Variants in JMJD1C observed in about 807,000 individuals in gnomAD.
JMJD1C encodes jumonji domain-containing protein 1C.
JMJD1C carries 31 observed loss-of-function variants against 245.3 expected under a neutral mutation model. The observed-to-expected ratio is 0.13, with a 90% CI of 0.09 to 0.17. The LOEUF (loss-of-function observed/expected upper bound fraction) is 0.17. Ranked by LOEUF, JMJD1C falls within the 10% of genes least tolerant of loss-of-function variation. The probability of loss-of-function intolerance (pLI) is 1.00; values close to 1 mark genes in which losing one functional copy is unlikely to be tolerated. For missense variants in JMJD1C, 2,691 were observed against 3,000.2 expected (o/e 0.90, Z 2.41); for synonymous variants, 1,057 against 1,017.4 (o/e 1.04, Z -0.74).
chr10:63,192,590 T>C (rs867926393), intron 16 of JMJD1C, among the ~76,000 whole-genome samples: 1 of 151,796 alleles, frequency 6.6e-6, no homozygotes, highest in Non-Finnish European at 1.5e-5. Flanking sequence ...AAAAAGAAAA[T>C]TAGGCATGGT....
rs35073293 is a variant in JMJD1C at position 63,357,826 on chromosome 10, G to GACACACACACACACAC, written c.333+22476_333+22491dup. On this transcript the variant is annotated intron_variant, in intron 2 of 25. Coordinates refer to ENST00000399262, the MANE Select transcript of JMJD1C (RefSeq NM_032776.3). Reference sequence around the variant, plus strand: ...AAATGTCAAAAGACACAGACAGACAGACACACACACACACACACACACACA... The same window carrying GACACACACACACACAC: ...AAATGTCAAAAGACACAGACAGACAGACACACACACACACACACACACACACACACACACACACACA... 1.2e-4 allele frequency among the ~76,000 whole-genome samples: 17 copies of GACACACACACACACAC among 140,536 alleles called. No homozygotes were observed. In the East Asian group the frequency reaches 1.9e-3, roughly 16 times the overall value. 92.2% of individuals were successfully genotyped at this position (140,536 alleles called of 152,430 possible).
intron 1 of JMJD1C, among the ~76,000 whole-genome samples, chr10:63,446,976 C>G (rs1273352578): frequency 1.3e-5 from 2 of 151,102 alleles, no homozygotes; most frequent in African/African-American, 4.9e-5. Context: ...AATTTCCTAT[C>G]TTTGTGACAT....
rs371370423 is a variant in JMJD1C, at chr10:63,213,774, G to A, written c.2393C>T (p.Thr798Ile). Residue 798 changes from threonine to isoleucine, a missense_variant, in exon 8 of 26, where the codon ACT becomes ATT. Transcript: ENST00000399262. Reference sequence around the variant, plus strand: ...GGCAGTAGGCACTCCAGGTAACACAGTGGGAAGTAAATGAGGGTGATGAAC... The same window carrying A: ...GGCAGTAGGCACTCCAGGTAACACAATGGGAAGTAAATGAGGGTGATGAAC... Reference protein sequence around the residue: ...HAVHHPHLLPTVLPGVPTASL... With the variant: ...HAVHHPHLLPIVLPGVPTASL... 1.2e-6 allele frequency: 2 copies of A among 1,614,118 alleles called. No individual in the cohort carries two copies. Among genetic ancestry groups the A allele is most frequent in the Non-Finnish European group, 8.5e-7 (1 of 1,180,016 alleles).
chr10:63,464,989 T>A (rs769201892), intron 1 of JMJD1C, among the ~76,000 whole-genome samples: 1 of 152,200 alleles, frequency 6.6e-6, no homozygotes, highest in Non-Finnish European at 1.5e-5. Context: ...ATCCCCGGAC[T>A]GTGTGGGAAG....
At chr10:63,201,883 T>C (rs376422883) in intron 10 of JMJD1C, among the ~76,000 whole-genome samples, 81 of 151,076 alleles carry the variant, frequency 5.4e-4, no homozygotes, top group African/African-American at 1.9e-3. Context: ...TGAGCCAACA[T>C]TGCGCCACTG....
intron 2 of JMJD1C, among the ~76,000 whole-genome samples, chr10:63,371,443 G>A (rs1309905223): frequency 1.3e-5 from 2 of 152,048 alleles, no homozygotes; most frequent in African/African-American, 4.8e-5. Context: ...TGAACATCAA[G>A]GTTGTTCCAT....
At chr10:63,506,587 T>C (rs1439181048) in intron 1 of JMJD1C, among the ~76,000 whole-genome samples, 1 of 152,218 alleles carries the variant, frequency 6.6e-6, no homozygotes, top group East Asian at 1.9e-4. Context: ...TATTTTTTCT[T>C]CTGAGACTTA....
At position 63,316,328 on chromosome 10, in the gene JMJD1C, G is replaced by A. The variant is rs1370666384; in HGVS notation, c.334-51564C>T. ...AGTAATGTGCCTTGATTCATTGGCTGCTTTTGGCATTTTATACTTGTCACT... is the reference window on the plus strand; with the variant it reads ...AGTAATGTGCCTTGATTCATTGGCTACTTTTGGCATTTTATACTTGTCACT... On this transcript the variant is annotated intron_variant, in intron 2 of 25. Coordinates refer to ENST00000399262, the MANE Select transcript of JMJD1C (RefSeq NM_032776.3). Among the ~76,000 whole-genome samples the A allele has an allele frequency of 2.0e-5, 3 of 152,240 alleles. No homozygotes were observed. In the East Asian group the frequency reaches 5.8e-4, roughly 29 times the overall value.
At chr10:63,301,742 A>G (rs1860103954) in intron 2 of JMJD1C, 1 of 451,406 alleles carries the variant, frequency 2.2e-6, no homozygotes, top group Non-Finnish European at 4.4e-6. Flanking sequence ...GCAGCAAACC[A>G]CCATGGCACG....
chr10:63,218,721 A>G (rs537878063), intron 4 of JMJD1C, among the ~76,000 whole-genome samples: 5 of 152,248 alleles, frequency 3.3e-5, no homozygotes, highest in Non-Finnish European at 5.9e-5. Flanking sequence ...ATTATTTTTT[A>G]AAAATTTGCC....
intron 1 of JMJD1C, among the ~76,000 whole-genome samples, chr10:63,448,953 C>T (rs1185332617): frequency 3.9e-5 from 6 of 151,996 alleles, no homozygotes; most frequent in Non-Finnish European, 8.8e-5. Flanking sequence ...CCCTTCTCTA[C>T]TAAAAATACA....
chr10:63,436,719 C>T (rs537391719), intron 1 of JMJD1C, among the ~76,000 whole-genome samples: 2 of 152,238 alleles, frequency 1.3e-5, no homozygotes, highest in Admixed American at 1.3e-4. Context: ...TCAACCTTAT[C>T]TCAACCACTG....
chr10:63,422,910 C>G (rs1485899935), intron 1 of JMJD1C, among the ~76,000 whole-genome samples: 3 of 151,572 alleles, frequency 2.0e-5, no homozygotes, highest in African/African-American at 7.3e-5. Context: ...TTTAAGGGCA[C>G]TAAAATAACT....
chr10:63,439,529 T>C (rs368182032), intron 1 of JMJD1C, among the ~76,000 whole-genome samples: 2 of 152,136 alleles, frequency 1.3e-5, no homozygotes, highest in South Asian at 4.1e-4. Context: ...AAGTAACAAA[T>C]TTCAGAATTA....
At chr10:63,196,048 G>A (rs1217218427) in intron 13 of JMJD1C, among the ~76,000 whole-genome samples, 1 of 152,202 alleles carries the variant, frequency 6.6e-6, no homozygotes, top group Non-Finnish European at 1.5e-5. Flanking sequence ...TTGGGAGGCT[G>A]AGGTCAGGAG....
intron 1 of JMJD1C, among the ~76,000 whole-genome samples, chr10:63,454,263 T>TTC (rs996369444): frequency 1.8e-4 from 27 of 151,446 alleles, no homozygotes; most frequent in African/African-American, 6.3e-4. Context: ...ATTGATTTTT[T>TTC]TTTTTTTTCT....
At chr10:63,315,097 G>A (rs1293182453) in intron 2 of JMJD1C, among the ~76,000 whole-genome samples, 6 of 152,196 alleles carry the variant, frequency 3.9e-5, no homozygotes, top group African/African-American at 1.4e-4. Context: ...GGGATTACAG[G>A]TGCGTGCCAC....
At chr10:63,381,365 T>G (rs1338969545) in intron 1 of JMJD1C, among the ~76,000 whole-genome samples, 1 of 152,114 alleles carries the variant, frequency 6.6e-6, no homozygotes, top group East Asian at 1.9e-4. Flanking sequence ...GTAAAAAACT[T>G]AGCTGGACAT....
At chr10:63,392,880 ACACACACACACAC>A (rs1589656785) in intron 1 of JMJD1C, among the ~76,000 whole-genome samples, 1 of 148,810 alleles carries the variant, frequency 6.7e-6, no homozygotes, top group East Asian at 2.0e-4. Flanking sequence ...ACACACACAC[ACACACACACACAC>A]ACACACACAC....
Sources: gnomAD v4.1 joint callset for allele counts (sites outside exome capture counted in the v4.1 genomes callset) on GRCh38, gnomAD v4.1.1 for gene constraint, MANE v1.5 for transcripts, NCBI Gene and HGNC (gene_info 2026-07-23, HGNC 2026-07-21) for gene names.